The following LRRC37B variants were observed in gnomAD, a reference collection of about 807,000 sequenced individuals.
LRRC37B encodes the protein leucine-rich repeat-containing protein 37B.
Under a neutral mutation model 98.3 loss-of-function variants are expected in LRRC37B, and 28 were observed. The observed-to-expected ratio is 0.28, with a 90% CI of 0.21 to 0.39. The LOEUF (loss-of-function observed/expected upper bound fraction) is 0.39. Among genes scored for constraint, LRRC37B ranks in the 10% least tolerant of loss-of-function variants. The pLI, the probability that LRRC37B is intolerant of heterozygous loss-of-function variation, is 1.00. For missense variants in LRRC37B, 938 were observed against 1,182.7 expected (o/e 0.79, Z 3.03); for synonymous variants, 364 against 442.7 (o/e 0.82, Z 2.23).
exon 10 of LRRC37B, chr17:32,049,221 G>A: frequency 6.2e-7 from 1 of 1,614,080 alleles, no homozygotes; most frequent in South Asian, 1.1e-5. Context: ...AGAAACACAT[G>A]TGCAAGGGAG....
chr17:32,051,644 T>C (rs1292949955), intron 11 of LRRC37B: 1 of 152,278 alleles, frequency 6.6e-6, no homozygotes, highest in African/African-American at 2.4e-5. Context: ...GAGGATGCAG[T>C]GAGCTGTGGT....
rs572575287 is a variant in LRRC37B, at chr17:32,047,703, A to T, written c.2324-58A>T. 19 of 1,612,118 alleles carry T rather than the reference A, an allele frequency of 1.2e-5. No individual in the cohort carries two copies. The South Asian group carries it at 1.9e-4, about 16-fold the overall frequency. ...GACTGGGGCATATAGCTATGGACTG[A>T]GTATGAAAGATGATCAAAGATATTT... On this transcript the variant is annotated intron_variant, in intron 8 of 11. Transcript: ENST00000327564.
upstream of LRRC37B, chr17:32,007,877 G>T: frequency 9.4e-7 from 1 of 1,066,142 alleles, no homozygotes. This position sits in a 1 kb window ranked among gnomAD's most constrained non-coding sequence, Gnocchi z 4.1. Flanking sequence ...GGCCCGGCGG[G>T]GGCGCGGGGG....
intron 7 of LRRC37B, chr17:32,036,105 G>C (rs1430222664): frequency 6.4e-6 from 1 of 156,830 alleles, no homozygotes; most frequent in African/African-American, 2.4e-5. Context: ...GGTTCAAGTG[G>C]TTCTCCTGCC....
chr17:32,041,006 G>A, intron 7 of LRRC37B: 2 of 796,356 alleles, frequency 2.5e-6, no homozygotes, highest in Non-Finnish European at 4.6e-6. Flanking sequence ...ACTCCAAGGA[G>A]GTAGCAGAAA....
chr17:32,022,283 T>A (rs774890098), exon 1 of LRRC37B: 4 of 1,613,938 alleles, frequency 2.5e-6, no homozygotes, highest in Non-Finnish European at 3.4e-6. Context: ...AGGCGGAACC[T>A]TCTTCTACAG....
chr17:32,024,482 G>A (rs1910886757), intron 1 of LRRC37B: 1 of 914,856 alleles, frequency 1.1e-6, no homozygotes, highest in African/African-American at 1.7e-5. Flanking sequence ...CCAAGAGATG[G>A]GATGGATAGG....
chr17:32,032,476 A>T (rs551934444), intron 5 of LRRC37B, among the ~76,000 whole-genome samples: 18,495 of 152,056 alleles, frequency 0.12, 1,245 homozygotes, highest in Middle Eastern at 0.15. Context: ...TCTCTGTATA[A>T]CATACCCAGC....
intron 7 of LRRC37B, 56 bp downstream of exon 10, chr17:32,035,695 T>C: frequency 1.3e-6 from 2 of 1,495,910 alleles, no homozygotes; most frequent in Non-Finnish European, 1.8e-6. Flanking sequence ...AGGTTTGTTT[T>C]ATTATTTTCT....
chr17:32,040,402 G>A (rs1411362483), intron 7 of LRRC37B: 1 of 495,202 alleles, frequency 2.0e-6, no homozygotes, highest in Non-Finnish European at 3.8e-6. Context: ...TTGCTGGCAC[G>A]GTCCGGGCGG....
Position 32,039,654 on chromosome 17 carries a change from T to G in LRRC37B, c.2204+4015T>G, listed in dbSNP as rs1269010048. On this transcript the variant is annotated intron_variant, in intron 7 of 11. Transcript: ENST00000327564. ...CCCTATTGTGAGTTTGTTACACAAC[T>G]TACTGCAACTTAAATTGTGCCACCA... is the stretch of plus-strand genomic sequence containing the variant. Among the ~76,000 whole-genome samples the G allele has an allele frequency of 3.6e-4, 52 of 146,340 alleles. No homozygotes were observed. In the Admixed American group the frequency reaches 3.7e-3, roughly 10 times the overall value.
intron 7 of LRRC37B, chr17:32,042,178 C>A (rs1326756501): frequency 3.5e-6 from 1 of 282,102 alleles, no homozygotes; most frequent in Admixed American, 5.0e-5. Flanking sequence ...CACCTTCCCC[C>A]CCATACTGCT....
chr17:32,017,979 TA>T (rs1910683596), upstream of LRRC37B: 6 of 220,414 alleles, frequency 2.7e-5, no homozygotes, highest in Middle Eastern at 2.6e-3. Flanking sequence ...CAGAAAGTGG[TA>T]AAATAGCTGT....
chr17:32,036,574 A>G (rs1425134039), intron 7 of LRRC37B, among the ~76,000 whole-genome samples: 4 of 152,226 alleles, frequency 2.6e-5, no homozygotes, highest in African/African-American at 7.2e-5. Flanking sequence ...GTCATTCCAT[A>G]TAAAATATTT....
At chr17:32,038,294 A>G (rs566940858) in intron 7 of LRRC37B, among the ~76,000 whole-genome samples, 2 of 151,962 alleles carry the variant, frequency 1.3e-5, no homozygotes, top group East Asian at 3.9e-4. Flanking sequence ...CCTTGTCTCT[A>G]CCAAAAACAT....
chr17:32,030,589 T>TGCTATTATTCATACCAGTCAAC, intron 3 of LRRC37B, 67 bp from the exon 7 acceptor site: 1 of 1,376,770 alleles, frequency 7.3e-7, no homozygotes, highest in African/African-American at 1.5e-5. Context: ...TCTAAACTCT[T>TGCTATTATTCATACCAGTCAAC]GCTATTATTC....
chr17:32,047,735 C>T, intron 8 of LRRC37B, 26 bp from the exon 12 acceptor site: 1 of 1,613,890 alleles, frequency 6.2e-7, no homozygotes, highest in Non-Finnish European at 8.5e-7. Context: ...ATTTCATGAT[C>T]AAAGCAGTCT....
chr17:32,045,825 C>T lies in LRRC37B; in HGVS notation c.2323+7C>T, dbSNP rs868582886. 6.3e-6 allele frequency: 10 copies of T among 1,596,616 alleles called. No homozygotes were observed. Among genetic ancestry groups the T allele is most frequent in the Non-Finnish European group, 7.6e-6 (9 of 1,177,814 alleles). Reference sequence around the variant, plus strand: ...ACTAACAGCATACATTGTCGTGAGTCCAAATTGCCTGGTGATAAATTGTTA... The same window carrying T: ...ACTAACAGCATACATTGTCGTGAGTTCAAATTGCCTGGTGATAAATTGTTA... On this transcript the variant is annotated splice_region_variant and intron_variant, in intron 8 of 11. Coordinates refer to ENST00000327564, the Ensembl canonical transcript of LRRC37B.
intron 11 of LRRC37B, 76 bp downstream of exon 14, chr17:32,050,183 A>G (rs1436280079): frequency 2.5e-6 from 2 of 813,166 alleles, no homozygotes; most frequent in South Asian, 2.8e-5. Flanking sequence ...CAAACTGAAA[A>G]CCAACGTCAC....
Sources: allele counts gnomAD v4.1 joint callset (sites outside exome capture counted in the v4.1 genomes callset), GRCh38; gene constraint gnomAD v4.1.1; non-coding constraint Gnocchi (gnomAD v3.1); transcripts MANE v1.5; gene names NCBI Gene and HGNC (gene_info 2026-07-23, HGNC 2026-07-21).